Variants in ARFGEF1 observed in about 807,000 individuals in gnomAD.
ARFGEF1 encodes ARF guanine nucleotide exchange factor 1.
In ARFGEF1, 42 loss-of-function variants were observed where a neutral mutation model predicts 231.0. The ratio of observed to expected loss-of-function variants is 0.18; its 90% CI spans 0.14 to 0.24. ARFGEF1 has a LOEUF of 0.24. Among genes scored for constraint, ARFGEF1 ranks in the 10% least tolerant of loss-of-function variants. The pLI is 1.00. For synonymous variants in ARFGEF1, 710 were observed against 732.3 expected, an observed-to-expected ratio of 0.97 and a Z score of 0.49; for missense variants, 1,345 against 2,192.0, an observed-to-expected ratio of 0.61 and a Z score of 7.72.
At chr8:67,247,120 G>C (rs1173526576) in intron 19 of ARFGEF1, among the ~76,000 whole-genome samples, 1 of 150,146 alleles carries the variant, frequency 6.7e-6, no homozygotes, top group African/African-American at 2.5e-5. Context: ...CTCAGCAAAA[G>C]AAAGCGTGAA....
At chr8:67,340,713 A>G (rs1236461220) in intron 1 of ARFGEF1, among the ~76,000 whole-genome samples, 2 of 152,206 alleles carry the variant, frequency 1.3e-5, no homozygotes, top group African/African-American at 2.4e-5. Flanking sequence ...GAAATGTGGG[A>G]AAAAATGCCT....
chr8:67,209,966 C>T lies in ARFGEF1; in HGVS notation c.4819+1517G>A, dbSNP rs116541046. Among the ~76,000 whole-genome samples the T allele has an allele frequency of 2.1e-3, 326 of 151,910 alleles. 2 individuals are homozygous for T. The highest frequency in any genetic ancestry group is 7.3e-3 in the African/African-American group (304 of 41,396). ...AGGAGATCGAGACCACCCTGACTAC[C>T]GTGGTGAAACCCGGTCTCTACTAAA... On this transcript the variant is annotated intron_variant, in intron 34 of 38. Transcript: ENST00000262215.
chr8:67,292,812 T>G (rs1806066841), intron 5 of ARFGEF1, among the ~76,000 whole-genome samples: 1 of 152,082 alleles, frequency 6.6e-6, no homozygotes, highest in Non-Finnish European at 1.5e-5. Context: ...CTTTCACACA[T>G]CTCTTTTGGT....
intron 1 of ARFGEF1, among the ~76,000 whole-genome samples, chr8:67,317,095 C>T (rs191002104): frequency 2.5e-3 from 385 of 152,286 alleles, no homozygotes; most frequent in Non-Finnish European, 3.8e-3. Context: ...TAGTGATACA[C>T]ATCAATGAGC....
At chr8:67,272,418 G>A (rs1364946824) in intron 9 of ARFGEF1, among the ~76,000 whole-genome samples, 4 of 151,892 alleles carry the variant, frequency 2.6e-5, no homozygotes, top group South Asian at 2.1e-4. Context: ...CACCCACCTC[G>A]GCCTCCCAAA....
At position 67,277,343 on chromosome 8, in the gene ARFGEF1, G is replaced by A. The variant is rs1318444253; in HGVS notation, c.1142C>T (p.Ser381Phe). 1 of 1,613,678 alleles carries A rather than the reference G, an allele frequency of 6.2e-7. No individual in the cohort carries two copies. ...QANGIPGTPI[S>F]VAYTPSLPDD... ...AGGTAAGGATGGTGTATATGCAACA[G>A]AAATTGGTGTTCCTGGAATTCCATT... is the stretch of plus-strand genomic sequence containing the variant. The change falls in exon 8 of 39, where the codon TCT (serine) becomes TTT (phenylalanine). Residue 381 changes from serine to phenylalanine, a missense_variant. Coordinates refer to ENST00000262215, the MANE Select transcript of ARFGEF1 (RefSeq NM_006421.5).
chr8:67,273,419 CAAAAAA>C (rs58580002), intron 9 of ARFGEF1, among the ~76,000 whole-genome samples: 729 of 56,598 alleles, frequency 0.013, 3 homozygotes, highest in Non-Finnish European at 0.02. Context: ...TTTTTTTTCC[CAAAAAA>C]AAAAAAAAAA....
intron 15 of ARFGEF1, among the ~76,000 whole-genome samples, 182 bp downstream of exon 15, chr8:67,259,633 G>C (rs1313598124): frequency 6.6e-6 from 1 of 152,124 alleles, no homozygotes; most frequent in East Asian, 1.9e-4. Context: ...ACAGAAACGG[G>C]GCCAGGCGTG....
At chr8:67,271,039 A>AG (rs1243403230) in intron 10 of ARFGEF1, among the ~76,000 whole-genome samples, 3 of 138,588 alleles carry the variant, frequency 2.2e-5, no homozygotes, top group Non-Finnish European at 3.2e-5. Context: ...AAAAAAAAAA[A>AG]AAAAGGAAAA....
At chr8:67,299,014 C>G (rs1368359600) in intron 4 of ARFGEF1, among the ~76,000 whole-genome samples, 195 bp downstream of exon 4, 1 of 152,062 alleles carries the variant, frequency 6.6e-6, no homozygotes, top group African/African-American at 2.4e-5. Flanking sequence ...AAACTCCTGA[C>G]CTCAAGTGAT....
chr8:67,303,432 T>C (rs1422259485), intron 1 of ARFGEF1, among the ~76,000 whole-genome samples: 4 of 152,144 alleles, frequency 2.6e-5, no homozygotes, highest in Non-Finnish European at 5.9e-5. Flanking sequence ...TTTAATTGGC[T>C]GAGCACAGTG....
intron 20 of ARFGEF1, 112 bp from the exon 21 acceptor site, chr8:67,239,005 T>G: frequency 9.5e-6 from 8 of 843,574 alleles, no homozygotes; most frequent in Middle Eastern, 3.3e-4. Flanking sequence ...TTTTTTTTTT[T>G]AATTTATTTA....
In ARFGEF1 at chr8:67,227,946, C is replaced by T. The variant is rs1191223427; in HGVS notation, c.3591+17G>A. On this transcript the variant is annotated intron_variant, in intron 25 of 38. Coordinates refer to ENST00000262215, the MANE Select transcript of ARFGEF1 (RefSeq NM_006421.5). ...ATATACTACAAATGTAAACAAACAC[C>T]ATAGTTATTCAAATACCTTATTAAA... 1 of 1,532,090 alleles carries T rather than the reference C, an allele frequency of 6.5e-7. No individual in the cohort carries two copies. Among genetic ancestry groups the T allele is most frequent in the Non-Finnish European group, 8.7e-7 (1 of 1,148,496 alleles). 94.9% of individuals were successfully genotyped at this position (1,532,090 alleles called of 1,614,324 possible).
chr8:67,213,306 A>G (rs933624593), intron 33 of ARFGEF1, among the ~76,000 whole-genome samples: 1 of 152,234 alleles, frequency 6.6e-6, no homozygotes, highest in Non-Finnish European at 1.5e-5. Context: ...AACAGTACAA[A>G]TTTGAAAAGA....
In ARFGEF1 at chr8:67,266,071, A is replaced by C. The variant is rs1212472026; in HGVS notation, c.2058T>G (p.Thr686=). The change falls in exon 14 of 39, where the codon ACT becomes ACG. Residue 686 remains threonine (T), a synonymous_variant. Transcript: ENST00000262215. ...IGSYSTQMSG[T]DNPEQFEVLK... Reference sequence around the variant, plus strand: ...GGACCTCAAATTGTTCTGGATTATCAGTGCCAGACATCTGTGTACTGTAGC... The same window carrying C: ...GGACCTCAAATTGTTCTGGATTATCCGTGCCAGACATCTGTGTACTGTAGC... 13 of 1,613,812 alleles carry C rather than the reference A, an allele frequency of 8.1e-6. No individual in the cohort carries two copies. Among genetic ancestry groups the C allele is most frequent in the Non-Finnish European group, 1.1e-5 (13 of 1,179,884 alleles).
chr8:67,301,751 T>A lies in ARFGEF1; in HGVS notation c.156-371A>T, dbSNP rs1049894784. ...GTCCTTAAGTCAAAGTGAGTTTTTT[T>A]AGTTATTCAATATTGTCCTAAAAAT... is the stretch of plus-strand genomic sequence containing the variant. On this transcript the variant is annotated intron_variant, in intron 2 of 38. Transcript: ENST00000262215. Among the ~76,000 whole-genome samples the A allele has an allele frequency of 2.0e-5, 3 of 152,020 alleles. No homozygotes were observed. The East Asian group carries it at 5.8e-4, about 29-fold the overall frequency.
intron 5 of ARFGEF1, among the ~76,000 whole-genome samples, chr8:67,175,845 T>A: frequency 6.6e-6 from 1 of 152,202 alleles, no homozygotes; most frequent in East Asian, 1.9e-4. Context: ...TAAGTTTTGA[T>A]GTGGCGTAAA....
chr8:67,322,828 T>C (rs1025553526), intron 1 of ARFGEF1, among the ~76,000 whole-genome samples: 1 of 152,246 alleles, frequency 6.6e-6, no homozygotes, highest in African/African-American at 2.4e-5. Flanking sequence ...TACCTTAGCA[T>C]ATTGAAATTA....
At chr8:67,264,435 G>A (rs1014255527) in intron 14 of ARFGEF1, among the ~76,000 whole-genome samples, 1 of 151,976 alleles carries the variant, frequency 6.6e-6, no homozygotes, top group Non-Finnish European at 1.5e-5. Flanking sequence ...TAGCATGCTG[G>A]GGTTACTACC....
Sources: allele counts gnomAD v4.1 joint callset (sites outside exome capture counted in the v4.1 genomes callset), GRCh38; gene constraint gnomAD v4.1.1; transcripts MANE v1.5; gene names NCBI Gene and HGNC (gene_info 2026-07-23, HGNC 2026-07-21).